SLC45A4: variants seen among roughly 807,000 people sequenced by gnomAD.
SLC45A4 encodes solute carrier family 45 member 4.
SLC45A4 carries 32 observed loss-of-function variants against 63.7 expected under a neutral mutation model. That is an observed-to-expected ratio of 0.50 (90% CI 0.38 to 0.67). SLC45A4 has a LOEUF of 0.67. SLC45A4 is among the 30% of genes least tolerant of loss of function. The pLI is 0.00. For missense variants in SLC45A4, 1,027 were observed against 1,157.7 expected, an observed-to-expected ratio of 0.89 and a Z score of 1.64; for synonymous variants, 535 against 510.0, an observed-to-expected ratio of 1.05 and a Z score of -0.66.
At position 141,244,928 on chromosome 8, in the gene SLC45A4, TC is replaced by T. The variant is rs572071128; in HGVS notation, c.241+9060del. Among the ~76,000 whole-genome samples, 4 of 111,458 alleles carry T rather than the reference TC, an allele frequency of 3.6e-5. No individual in the cohort carries two copies. The East Asian group carries it at 1.1e-3, about 31-fold the overall frequency. The allele number at this position is 111,458 out of a possible 152,430, so 73.1% of individuals were successfully genotyped here. On this transcript the variant is annotated intron_variant, in intron 2 of 8. Transcript: ENST00000517878. ...ACCTCTGAGTTTGGAAATGAGGACA[TC>T]CCTGCGCATTCAGCAAGAAGACGTG...
Position 141,278,384 on chromosome 8 carries a change from CA to C in SLC45A4, c.-400-23756del, listed in dbSNP as rs1427106640. On this transcript the variant is annotated intron_variant, in intron 1 of 8. Coordinates refer to ENST00000517878, the MANE Select transcript of SLC45A4 (RefSeq NM_001286646.2). The surrounding 1 kb of genome is among the most constrained non-coding windows in gnomAD (Gnocchi z 4.1). ...ACAACCCATAAGGACACTAGCGGGACAGGGGTGAGCACCTGCGGTGGAAGCG... is the reference window on the plus strand; with the variant it reads ...ACAACCCATAAGGACACTAGCGGGACGGGGTGAGCACCTGCGGTGGAAGCG... The C allele has an allele frequency of 6.5e-6, 1 of 152,864 alleles. No homozygotes were observed. Among genetic ancestry groups the C allele is most frequent in the Non-Finnish European group, 1.5e-5 (1 of 68,536 alleles). 9.5% of individuals were successfully genotyped at this position (152,864 alleles called of 1,614,324 possible). A position where few individuals can be genotyped will look rare whatever the true frequency, so the allele number is the denominator to read the frequency against.
chr8:141,236,461 A>G lies in SLC45A4; in HGVS notation c.242-14696T>C, dbSNP rs1405009430. Among the ~76,000 whole-genome samples, 9 of 152,370 alleles carry G rather than the reference A, an allele frequency of 5.9e-5. No individual in the cohort carries two copies. In the East Asian group the frequency reaches 1.7e-3, roughly 29 times the overall value. On this transcript the variant is annotated intron_variant, in intron 2 of 8. Transcript: ENST00000517878. ...TTCCCAAATAGTTCACAAGCTAGAA[A>G]ATACGTCTGCACATCCAAGTCCATG...
rs193064314 is a variant in SLC45A4, at chr8:141,216,986, C to T, written c.1729+104G>A. Reference sequence around the variant, plus strand: ...GTTTTGAGGGACCCAGAAGTCAGTGCGACTGATGGCCCCAGCTTCTAAGGT... The same window carrying T: ...GTTTTGAGGGACCCAGAAGTCAGTGTGACTGATGGCCCCAGCTTCTAAGGT... On this transcript the variant is annotated intron_variant, in intron 6 of 8. Transcript: ENST00000517878. 1.5e-5 allele frequency: 18 copies of T among 1,174,228 alleles called. No individual in the cohort carries two copies. In the Middle Eastern group the frequency reaches 7.9e-4, roughly 51 times the overall value. The allele number at this position is 1,174,228 out of a possible 1,614,324, so 72.7% of individuals were successfully genotyped here. A position where few individuals can be genotyped will look rare whatever the true frequency, so the allele number is the denominator to read the frequency against.
chr8:141,230,316 A>C (rs951908809), intron 2 of SLC45A4: 3 of 355,426 alleles, frequency 8.4e-6, no homozygotes, highest in African/African-American at 6.4e-5. Context: ...GCCGCTCCTG[A>C]AGTCCCCGCC....
At chr8:141,237,660 C>T (rs1011069165) in intron 2 of SLC45A4, among the ~76,000 whole-genome samples, 3 of 152,272 alleles carry the variant, frequency 2.0e-5, no homozygotes, top group Middle Eastern at 3.4e-3. Context: ...CCCTCACCGC[C>T]GCCCTCCATG....
chr8:141,301,544 C>G (rs1830742788), intron 1 of SLC45A4, among the ~76,000 whole-genome samples: 1 of 151,714 alleles, frequency 6.6e-6, no homozygotes, highest in Non-Finnish European at 1.5e-5. Context: ...GCCAGGAGTT[C>G]ATGACCGGCC....
intron 2 of SLC45A4, chr8:141,228,281 C>T (rs1827145846): frequency 6.2e-7 from 1 of 1,612,666 alleles, no homozygotes; most frequent in East Asian, 2.2e-5. Flanking sequence ...GATGCTGTCC[C>T]TGCCGCCCTG....
In SLC45A4 at chr8:141,217,324, A is replaced by G. The variant is rs963621424; in HGVS notation, c.1630-135T>C. The G allele has an allele frequency of 8.1e-6, 7 of 860,282 alleles. No homozygotes were observed. The Middle Eastern group carries it at 1.1e-3, about 130-fold the overall frequency. The allele number at this position is 860,282 out of a possible 1,614,324, so 53.3% of individuals were successfully genotyped here. On this transcript the variant is annotated intron_variant, in intron 5 of 8. Transcript: ENST00000517878. ...ACAGGAAAGTCCCATCCAGGAGGAG[A>G]GCCCAGCCCAAGTCGGTTGCTATCT... is the stretch of plus-strand genomic sequence containing the variant.
intron 1 of SLC45A4, among the ~76,000 whole-genome samples, chr8:141,282,007 A>C (rs1370781028): frequency 6.6e-6 from 1 of 152,184 alleles, no homozygotes; most frequent in African/African-American, 2.4e-5. Flanking sequence ...CATGGTTGGC[A>C]AGGACACGGG....
intron 2 of SLC45A4, among the ~76,000 whole-genome samples, chr8:141,235,026 G>A (rs1019624567): frequency 6.6e-6 from 1 of 152,218 alleles, no homozygotes; most frequent in Non-Finnish European, 1.5e-5. Flanking sequence ...TCTGCAAACC[G>A]AAACTGACTC....
intron 1 of SLC45A4, among the ~76,000 whole-genome samples, chr8:141,284,222 C>A (rs1171130427): frequency 6.6e-6 from 1 of 152,232 alleles, no homozygotes; most frequent in East Asian, 1.9e-4. Context: ...ACTCTGAGGT[C>A]TGGGATGTAA....
At chr8:141,219,052 C>T (rs370178615) in intron 4 of SLC45A4, 23 bp from the exon 5 acceptor site, 114 of 1,590,806 alleles carry the variant, frequency 7.2e-5, no homozygotes, top group Admixed American at 4.6e-4. Flanking sequence ...AAGCAGCAGC[C>T]GGTGAGCCGG....
At chr8:141,250,470 C>T (rs1828410669) in intron 2 of SLC45A4, among the ~76,000 whole-genome samples, 1 of 150,990 alleles carries the variant, frequency 6.6e-6, no homozygotes, top group South Asian at 2.1e-4. Flanking sequence ...ACTGCAGCCT[C>T]CATCTCCCAG....
intron 2 of SLC45A4, among the ~76,000 whole-genome samples, chr8:141,250,526 C>G (rs1828412527): frequency 1.3e-5 from 2 of 151,748 alleles, no homozygotes; most frequent in African/African-American, 4.8e-5. Flanking sequence ...GCTGTGATTA[C>G]AGGTGTGCAC....
chr8:141,219,973 T>A, intron 3 of SLC45A4, 144 bp from the exon 4 acceptor site: 1 of 774,754 alleles, frequency 1.3e-6, no homozygotes, highest in Non-Finnish European at 2.0e-6. Context: ...GAGAGGCTCT[T>A]AGGCACAGAG....
intron 2 of SLC45A4, among the ~76,000 whole-genome samples, chr8:141,235,627 T>C (rs1040245816): frequency 5.3e-5 from 8 of 152,134 alleles, no homozygotes; most frequent in African/African-American, 1.9e-4. Flanking sequence ...TGTCAGGCCC[T>C]GGGTTTACGG....
intron 1 of SLC45A4, among the ~76,000 whole-genome samples, chr8:141,273,734 C>T (rs2154614964): frequency 1.3e-5 from 2 of 152,112 alleles, no homozygotes; most frequent in Middle Eastern, 6.8e-3. Flanking sequence ...AAAGCGGTTT[C>T]CAGGTCCTGA....
intron 1 of SLC45A4, among the ~76,000 whole-genome samples, chr8:141,285,452 T>C (rs1589852224): frequency 1.3e-5 from 2 of 152,200 alleles, no homozygotes; most frequent in East Asian, 3.9e-4. Context: ...GCCTTGCACT[T>C]GGCCCGAGGT....
At chr8:141,223,885 G>A (rs564694132) in intron 2 of SLC45A4, among the ~76,000 whole-genome samples, 25 of 152,292 alleles carry the variant, frequency 1.6e-4, no homozygotes, top group South Asian at 4.1e-4. Context: ...CAGAGGGCTC[G>A]AACACTAGCT....
Sources: allele counts gnomAD v4.1 joint callset (sites outside exome capture counted in the v4.1 genomes callset), GRCh38; gene constraint gnomAD v4.1.1; non-coding constraint Gnocchi (gnomAD v3.1); transcripts MANE v1.5; gene names NCBI Gene and HGNC (gene_info 2026-07-23, HGNC 2026-07-21).